CCNJL: variants seen among roughly 807,000 people sequenced by gnomAD.
The protein encoded by CCNJL is cyclin-J-like protein.
In CCNJL, 33 loss-of-function variants were observed where a neutral mutation model predicts 33.4. That is an observed-to-expected ratio of 0.99 (90% CI 0.75 to 1.32). The LOEUF is 1.32. CCNJL is among the 40% of genes most tolerant of loss of function. The pLI, the probability that CCNJL is intolerant of heterozygous loss-of-function variation, is 0.00. For missense variants in CCNJL, 512 were observed against 499.7 expected (o/e 1.02, Z -0.23); for synonymous variants, 227 against 220.9 (o/e 1.03, Z -0.24).
At chr5:160,321,746 A>G (rs1561813115) in intron 1 of CCNJL, among the ~76,000 whole-genome samples, 1 of 152,204 alleles carries the variant, frequency 6.6e-6, no homozygotes, top group African/African-American at 2.4e-5. Flanking sequence ...AGCCTTGCCA[A>G]CATGGTGAAA....
intron 1 of CCNJL, among the ~76,000 whole-genome samples, chr5:160,332,779 CTTCTCTGCTTTT>C (rs1429583281): frequency 6.6e-6 from 1 of 152,120 alleles, no homozygotes; most frequent in African/African-American, 2.4e-5. Flanking sequence ...TTCCATATGT[CTTCTCTGCTTTT>C]TTTTTTCTCC....
intron 2 of CCNJL, among the ~76,000 whole-genome samples, chr5:160,303,588 C>CA (rs1762993593): frequency 6.6e-6 from 1 of 151,464 alleles, no homozygotes; most frequent in Non-Finnish European, 1.5e-5. Context: ...GGACACACAC[C>CA]AAAAATGTCA....
chr5:160,311,747 A>C, intron 2 of CCNJL, 111 bp downstream of exon 2: 1 of 1,024,808 alleles, frequency 9.8e-7, no homozygotes, highest in Non-Finnish European at 1.5e-6. Context: ...AAGAGGAAAA[A>C]AAGGCACCCG....
At chr5:160,322,237 A>G (rs963573120) in intron 1 of CCNJL, among the ~76,000 whole-genome samples, 3 of 152,190 alleles carry the variant, frequency 2.0e-5, no homozygotes, top group African/African-American at 7.2e-5. Flanking sequence ...TCACGTCTCT[A>G]AGGACATTTT....
intron 1 of CCNJL, among the ~76,000 whole-genome samples, chr5:160,326,007 A>G (rs998998970): frequency 3.3e-5 from 5 of 152,208 alleles, no homozygotes; most frequent in Non-Finnish European, 2.9e-5. Context: ...AAAGTTTGCC[A>G]ACTCCTGCTA....
intron 3 of CCNJL, among the ~76,000 whole-genome samples, chr5:160,261,750 C>A (rs1349931698): frequency 6.6e-6 from 1 of 152,138 alleles, no homozygotes; most frequent in Admixed American, 6.6e-5. Flanking sequence ...AGTTTAGAGA[C>A]CTCCAGATAT....
chr5:160,330,396 T>A (rs190551556), intron 1 of CCNJL, among the ~76,000 whole-genome samples: 3 of 152,314 alleles, frequency 2.0e-5, no homozygotes, highest in Middle Eastern at 3.4e-3. Flanking sequence ...ACCCTGGCTC[T>A]CCCTGAGAGC....
chr5:160,318,000 C>G (rs575651344), intron 1 of CCNJL, among the ~76,000 whole-genome samples: 1 of 151,632 alleles, frequency 6.6e-6, no homozygotes, highest in Admixed American at 6.6e-5. Flanking sequence ...TTCACGTAGT[C>G]TTCTTTTTCT....
chr5:160,266,285 C>A (rs1208280689), intron 3 of CCNJL, among the ~76,000 whole-genome samples: 1 of 152,272 alleles, frequency 6.6e-6, no homozygotes, highest in African/African-American at 2.4e-5. Context: ...AGGCCAGTGT[C>A]CCAGGGGTGG....
intron 2 of CCNJL, among the ~76,000 whole-genome samples, chr5:160,311,459 C>T: frequency 6.6e-6 from 1 of 152,108 alleles, no homozygotes; most frequent in East Asian, 1.9e-4. Context: ...AATGGAAAAT[C>T]GCAAACGCAG....
chr5:160,301,422 G>A (rs1762916984), intron 2 of CCNJL, among the ~76,000 whole-genome samples: 1 of 151,744 alleles, frequency 6.6e-6, no homozygotes, highest in Admixed American at 6.6e-5. Context: ...CTAGGTTGAT[G>A]GCAATGGCCT....
In CCNJL at chr5:160,280,598, G is replaced by A; in HGVS notation, c.207C>T (p.His69=). ...TGGTGACGTTGTAGCGATCCATGAA[G>A]TGGTCCAGCAGGTAGACGGCCAGGT... ...ARHLAVYLLD[H]FMDRYNVTTS... The change falls in exon 3 of 6, where the codon CAC becomes CAT. Residue 69 remains histidine, a synonymous_variant. Coordinates refer to ENST00000257536, the MANE Select transcript of CCNJL (RefSeq NM_001308173.3). The A allele has an allele frequency of 1.9e-6, 3 of 1,613,612 alleles. No individual in the cohort carries two copies. Among genetic ancestry groups the A allele is most frequent in the South Asian group, 2.2e-5 (2 of 91,082 alleles).
At chr5:160,315,599 TACA>T (rs1763372725), upstream of CCNJL, 1 of 80,148 alleles carries the variant, frequency 1.2e-5, no homozygotes, top group Non-Finnish European at 4.1e-5. Context: ...CCAGTTAAAC[TACA>T]TTCATGCACA....
chr5:160,257,370 G>A (rs1226872546), intron 4 of CCNJL, among the ~76,000 whole-genome samples: 1 of 152,128 alleles, frequency 6.6e-6, no homozygotes. Flanking sequence ...AGCTACTCGG[G>A]AGGCTGAGGC....
At chr5:160,339,568 C>T (rs745441807) in exon 1 of CCNJL, 2 of 437,900 alleles carry the variant, frequency 4.6e-6, no homozygotes, top group Non-Finnish European at 9.2e-6. Context: ...TTAGTGCTGA[C>T]ACAGAAAGTG....
intron 1 of CCNJL, among the ~76,000 whole-genome samples, chr5:160,320,545 C>T (rs191154354): frequency 1.1e-3 from 160 of 152,304 alleles, no homozygotes; most frequent in African/African-American, 3.5e-3. Context: ...TCAATGTCCA[C>T]ACCAGCCACA....
At chr5:160,256,930 AT>A (rs1325158888) in intron 4 of CCNJL, among the ~76,000 whole-genome samples, 3 of 151,032 alleles carry the variant, frequency 2.0e-5, no homozygotes, top group East Asian at 3.9e-4. Flanking sequence ...AAAAAAAAAA[AT>A]TTTTTTTCAT....
At chr5:160,328,737 G>A (rs892529604) in intron 1 of CCNJL, among the ~76,000 whole-genome samples, 22 of 150,624 alleles carry the variant, frequency 1.5e-4, no homozygotes, top group African/African-American at 4.4e-4. Context: ...AAAATTAGCC[G>A]TGCGTGGTGG....
chr5:160,267,612 A>G (rs1161367423), intron 3 of CCNJL, among the ~76,000 whole-genome samples: 2 of 152,186 alleles, frequency 1.3e-5, no homozygotes, highest in Non-Finnish European at 2.9e-5. Flanking sequence ...GCTCCATAAT[A>G]AGTGTATCTA....
Sources: gnomAD v4.1 joint callset for allele counts (sites outside exome capture counted in the v4.1 genomes callset) on GRCh38, gnomAD v4.1.1 for gene constraint, MANE v1.5 for transcripts, NCBI Gene and HGNC (gene_info 2026-07-23, HGNC 2026-07-21) for gene names.